CAST: variants seen among roughly 807,000 people sequenced by gnomAD.
CAST encodes MIR583 host.
In CAST, 76 loss-of-function variants were observed where a neutral mutation model predicts 119.6. That is an observed-to-expected ratio of 0.64 (90% CI 0.53 to 0.77). CAST has a LOEUF of 0.77. CAST is among the 30% of genes least tolerant of loss of function. The pLI is 0.00. For missense variants in CAST, 953 were observed against 946.5 expected, an observed-to-expected ratio of 1.01 and a Z score of -0.09; for synonymous variants, 319 against 331.6, an observed-to-expected ratio of 0.96 and a Z score of 0.41.
chr5:96,454,604 T>A, the CAST span, among the ~76,000 whole-genome samples: 1 of 152,124 alleles, frequency 6.6e-6, no homozygotes, highest in Non-Finnish European at 1.5e-5. Context: ...TACCTGGCCC[T>A]GTGCTGAGTC....
chr5:96,368,114 TC>T, the CAST span, among the ~76,000 whole-genome samples: 164 of 152,234 alleles, frequency 1.1e-3, 3 homozygotes, highest in African/African-American at 3.6e-3. Flanking sequence ...TAATTACTTT[TC>T]TTTTTTTTCC....
At chr5:96,569,005 T>C (rs368966898) in intron 1 of CAST, among the ~76,000 whole-genome samples, 5 of 152,162 alleles carry the variant, frequency 3.3e-5, no homozygotes, top group African/African-American at 1.2e-4. Flanking sequence ...GACCAACTCT[T>C]CTCTGGACAT....
At chr5:96,598,142 A>C (rs57113470) in intron 1 of CAST, among the ~76,000 whole-genome samples, 93 of 152,324 alleles carry the variant, frequency 6.1e-4, no homozygotes, top group African/African-American at 2.1e-3. Context: ...CTGCCCATAC[A>C]TAACAAAATG....
the CAST span, among the ~76,000 whole-genome samples, chr5:96,245,580 C>A: frequency 6.7e-6 from 1 of 149,386 alleles, no homozygotes; most frequent in South Asian, 2.1e-4. Context: ...AAGAAATTTT[C>A]TGTGTGTTCA....
chr5:96,420,405 C>A, the CAST span, among the ~76,000 whole-genome samples: 1 of 152,192 alleles, frequency 6.6e-6, no homozygotes, highest in Non-Finnish European at 1.5e-5. Context: ...TCGAAACACT[C>A]CCACTTTGCT....
chr5:96,102,816 C>T, the CAST span, among the ~76,000 whole-genome samples: 3 of 151,372 alleles, frequency 2.0e-5, no homozygotes, highest in Non-Finnish European at 2.9e-5. Context: ...CAGTTTAAAC[C>T]TTTTCCTAAT....
the CAST span, among the ~76,000 whole-genome samples, chr5:95,977,521 T>C: frequency 2.6e-5 from 4 of 152,240 alleles, no homozygotes; most frequent in South Asian, 6.2e-4. Context: ...GAAAATACTA[T>C]GGGAAAACAG....
In CAST at chr5:96,721,790, CA is replaced by C. The variant is rs777536526; in HGVS notation, c.211-847del. Among the ~76,000 whole-genome samples, 36 of 152,286 alleles carry C rather than the reference CA, an allele frequency of 2.4e-4. 1 individual carries two copies. Among genetic ancestry groups the C allele is most frequent in the Admixed American group, 6.5e-4 (10 of 15,302 alleles). ...TACTAGAATAGTACTCCAAACCATA[CA>C]AGTATCCACACACACATCCCAGTAC... On this transcript the variant is annotated intron_variant, in intron 3 of 31. Transcript: ENST00000675179.
At chr5:96,239,259 C>G in the CAST span, among the ~76,000 whole-genome samples, 2 of 151,538 alleles carry the variant, frequency 1.3e-5, no homozygotes, top group Non-Finnish European at 2.9e-5. Flanking sequence ...TTAAATAGTA[C>G]CTGGTATAAA....
the CAST span, among the ~76,000 whole-genome samples, chr5:96,443,477 C>T: frequency 6.6e-6 from 1 of 152,190 alleles, no homozygotes; most frequent in African/African-American, 2.4e-5. Context: ...AGCCACATGC[C>T]AATTTTGAAG....
intron 1 of CAST, among the ~76,000 whole-genome samples, chr5:96,632,051 C>A (rs908834540): frequency 8.5e-6 from 1 of 117,380 alleles, no homozygotes; most frequent in African/African-American, 4.2e-5. Context: ...ATTATTATAG[C>A]TATCCTAGTG....
At chr5:96,667,910 G>A (rs1297165725) in intron 1 of CAST, among the ~76,000 whole-genome samples, 2 of 152,240 alleles carry the variant, frequency 1.3e-5, no homozygotes, top group Non-Finnish European at 2.9e-5. Context: ...AGCTACTCAG[G>A]AGGCTGAGGC....
chr5:96,396,063 C>T, the CAST span, among the ~76,000 whole-genome samples: 87 of 152,088 alleles, frequency 5.7e-4, no homozygotes, highest in African/African-American at 2.0e-3. Context: ...AGAATAGAGG[C>T]CAAATTCAAG....
chr5:96,024,809 T>C, the CAST span, among the ~76,000 whole-genome samples: 1 of 152,276 alleles, frequency 6.6e-6, no homozygotes, highest in Non-Finnish European at 1.5e-5. Flanking sequence ...ATTTTTTCCT[T>C]CCCTGTTTCT....
At chr5:96,382,845 G>C in the CAST span, among the ~76,000 whole-genome samples, 1 of 152,188 alleles carries the variant, frequency 6.6e-6, no homozygotes, top group Non-Finnish European at 1.5e-5. Context: ...CCTAGGGATG[G>C]AGGAAGAAAA....
At chr5:96,062,855 AC>A in the CAST span, among the ~76,000 whole-genome samples, 1 of 151,976 alleles carries the variant, frequency 6.6e-6, no homozygotes, top group Non-Finnish European at 1.5e-5. Flanking sequence ...GGTCTGGGTC[AC>A]CCCCCAAGTT....
chr5:96,727,235 A>G (rs1759425682), intron 5 of CAST, among the ~76,000 whole-genome samples: 1 of 152,354 alleles, frequency 6.6e-6, no homozygotes, highest in East Asian at 1.9e-4. Flanking sequence ...CATATCTTTG[A>G]TATACCTAGC....
At chr5:96,770,374 CGTT>C in intron 29 of CAST, 154 bp from the exon 30 acceptor site, 1 of 584,130 alleles carries the variant, frequency 1.7e-6, no homozygotes, top group Non-Finnish European at 3.1e-6. Flanking sequence ...TCTCTGACAC[CGTT>C]GTTCAAAAAA....
At chr5:96,423,259 T>C in the CAST span, 1 of 1,546,056 alleles carries the variant, frequency 6.5e-7, no homozygotes, top group Non-Finnish European at 8.8e-7. Context: ...GCCCTAACTG[T>C]GTGTCTGCAC....
Sources: allele counts gnomAD v4.1 joint callset (sites outside exome capture counted in the v4.1 genomes callset), GRCh38; gene constraint gnomAD v4.1.1; transcripts MANE v1.5; gene names NCBI Gene and HGNC (gene_info 2026-07-23, HGNC 2026-07-21).